The following GALNT3 variants were observed in gnomAD, a reference collection of about 807,000 sequenced individuals.
The protein encoded by GALNT3 is GalNAc transferase 3.
Under a neutral mutation model 69.8 loss-of-function variants are expected in GALNT3, and 51 were observed. The observed-to-expected ratio is 0.73, with a 90% CI of 0.58 to 0.92. The LOEUF (loss-of-function observed/expected upper bound fraction) is 0.92, where lower values mean the gene tolerates loss of function less well. GALNT3 is among the 40% of genes least tolerant of loss of function. The probability of loss-of-function intolerance (pLI) is 0.00; values close to 1 mark genes in which losing one functional copy is unlikely to be tolerated. For synonymous variants in GALNT3, 265 were observed against 248.5 expected, an observed-to-expected ratio of 1.07 and a Z score of -0.63; for missense variants, 711 against 760.0, an observed-to-expected ratio of 0.94 and a Z score of 0.76.
At chr2:165,762,855 G>T (rs926992615) in intron 3 of GALNT3, among the ~76,000 whole-genome samples, 2 of 152,136 alleles carry the variant, frequency 1.3e-5, no homozygotes, top group African/African-American at 4.8e-5. Flanking sequence ...GAGTGCAGTG[G>T]CACAACTCAC....
At chr2:165,781,028 A>G (rs1683094890) in intron 1 of GALNT3, among the ~76,000 whole-genome samples, 1 of 152,168 alleles carries the variant, frequency 6.6e-6, no homozygotes, top group African/African-American at 2.4e-5. Flanking sequence ...TTATCTGAAG[A>G]AAATATTTAT....
At chr2:165,792,147 G>A (rs181623797) in intron 1 of GALNT3, among the ~76,000 whole-genome samples, 78 of 152,278 alleles carry the variant, frequency 5.1e-4, no homozygotes, top group Admixed American at 2.0e-3. Flanking sequence ...TCTCCAAAGT[G>A]AGAAAGGGAT....
At chr2:165,765,130 C>A in intron 2 of GALNT3, 74 bp from the exon 3 acceptor site, 2 of 1,188,076 alleles carry the variant, frequency 1.7e-6, no homozygotes, top group Non-Finnish European at 2.5e-6. Flanking sequence ...CCATTGCTAA[C>A]ATTATCATTA....
At chr2:165,754,085 T>C (rs1249436879) in intron 9 of GALNT3, among the ~76,000 whole-genome samples, 2 of 151,976 alleles carry the variant, frequency 1.3e-5, no homozygotes, top group African/African-American at 4.8e-5. Flanking sequence ...CTTTTTTTTT[T>C]TTTAATTTGT....
At chr2:165,761,220 C>T (rs1688540052) in intron 4 of GALNT3, among the ~76,000 whole-genome samples, 3 of 151,982 alleles carry the variant, frequency 2.0e-5, no homozygotes, top group African/African-American at 7.2e-5. Flanking sequence ...TTCATTCATT[C>T]ATTCATTTTG....
At position 165,762,151 on chromosome 2, in the gene GALNT3, A is replaced by T. The variant is rs964397956; in HGVS notation, c.689-97T>A. 19 of 924,546 alleles carry T rather than the reference A, an allele frequency of 2.1e-5. No homozygotes were observed. In the African/African-American group the frequency reaches 2.3e-4, roughly 11 times the overall value. The allele number at this position is 924,546 out of a possible 1,614,324, so 57.3% of individuals were successfully genotyped here. On this transcript the variant is annotated intron_variant, in intron 3 of 10. Transcript: ENST00000392701. The stretch of plus-strand genomic sequence containing the variant: ...AACCACAGAGCAATGATCCTTCCAA[A>T]TTCATAATCTTAACAGTTGCATGTG...
intron 1 of GALNT3, among the ~76,000 whole-genome samples, chr2:165,793,259 G>T (rs1574023115): frequency 1.3e-5 from 2 of 152,246 alleles, no homozygotes; most frequent in Admixed American, 1.3e-4. Context: ...CCATAGCCGC[G>T]ATATGCAGGT....
chr2:165,793,480 G>A (rs1487316960), intron 1 of GALNT3, among the ~76,000 whole-genome samples: 1 of 152,210 alleles, frequency 6.6e-6, no homozygotes, highest in Non-Finnish European at 1.5e-5. Context: ...CAAACCACTC[G>A]GAAACCATTT....
At chr2:165,788,723 T>C (rs1683282469) in intron 1 of GALNT3, among the ~76,000 whole-genome samples, 1 of 151,202 alleles carries the variant, frequency 6.6e-6, no homozygotes. Flanking sequence ...CAGTGGGAAG[T>C]GCAAAAGAAA....
At chr2:165,759,611 G>A in intron 4 of GALNT3, 41 bp from the exon 5 acceptor site, 1 of 1,484,334 alleles carries the variant, frequency 6.7e-7, no homozygotes. Flanking sequence ...TAAAAACATT[G>A]AAGTTTTTTT....
At chr2:165,767,056 CAA>C (rs2105415694) in intron 2 of GALNT3, among the ~76,000 whole-genome samples, 1 of 152,184 alleles carries the variant, frequency 6.6e-6, no homozygotes, top group African/African-American at 2.4e-5. Context: ...TAAATAAAAA[CAA>C]ATTATTTATT....
At chr2:165,759,158 T>G (rs923990551) in intron 5 of GALNT3, among the ~76,000 whole-genome samples, 178 bp downstream of exon 5, 10 of 152,214 alleles carry the variant, frequency 6.6e-5, no homozygotes, top group Non-Finnish European at 1.5e-4. Flanking sequence ...TACCTCTTAC[T>G]CAGCAACATC....
At position 165,782,928 on chromosome 2, in the gene GALNT3, C is replaced by T. The variant is rs537033725; in HGVS notation, c.-109+11087G>A. On this transcript the variant is annotated intron_variant, in intron 1 of 10. Transcript: ENST00000392701. The stretch of plus-strand genomic sequence containing the variant: ...TTCCTATTATATAGATGAAGGGATG[C>T]TATAGTACTGCTTACGTATTTCATT... 7.2e-5 allele frequency among the ~76,000 whole-genome samples: 11 copies of T among 152,232 alleles called. No homozygotes were observed. In the South Asian group the frequency reaches 1.0e-3, roughly 14 times the overall value.
intron 1 of GALNT3, among the ~76,000 whole-genome samples, chr2:165,778,555 C>T (rs138071371): frequency 5.9e-5 from 9 of 152,322 alleles, no homozygotes; most frequent in African/African-American, 2.2e-4. Flanking sequence ...GGGGCAACCA[C>T]TCCCCCTATG....
intron 2 of GALNT3, among the ~76,000 whole-genome samples, chr2:165,767,741 C>G (rs991142966): frequency 6.6e-6 from 1 of 152,122 alleles, no homozygotes; most frequent in African/African-American, 2.4e-5. Context: ...CTTAAATTAT[C>G]AGTCACATGA....
At chr2:165,776,580 C>T (rs1186518716) in intron 1 of GALNT3, among the ~76,000 whole-genome samples, 1 of 151,922 alleles carries the variant, frequency 6.6e-6, no homozygotes, top group Non-Finnish European at 1.5e-5. Flanking sequence ...CAGAGATCTT[C>T]TAAATTCTAA....
chr2:165,764,833 A>G, intron 3 of GALNT3, 51 bp downstream of exon 3: 1 of 1,580,794 alleles, frequency 6.3e-7, no homozygotes, highest in Non-Finnish European at 8.7e-7. Flanking sequence ...TAGACTGTAG[A>G]TACCACAATA....
At chr2:165,761,690 T>C in intron 4 of GALNT3, 1 of 714,014 alleles carries the variant, frequency 1.4e-6, no homozygotes, top group South Asian at 1.5e-5. Context: ...TGAGGAAACT[T>C]AAACACAAAA....
chr2:165,754,819 T>C, intron 8 of GALNT3, 91 bp from the exon 9 acceptor site: 1 of 1,377,910 alleles, frequency 7.3e-7, no homozygotes, highest in East Asian at 2.4e-5. Context: ...TTAATGATTA[T>C]AATGTAAAAT....
Sources: allele counts gnomAD v4.1 joint callset (sites outside exome capture counted in the v4.1 genomes callset), GRCh38; gene constraint gnomAD v4.1.1; transcripts MANE v1.5; gene names NCBI Gene and HGNC (gene_info 2026-07-23, HGNC 2026-07-21).